The following ERBB4 variants were observed in gnomAD, a reference collection of about 807,000 sequenced individuals.
ERBB4 encodes the protein receptor tyrosine-protein kinase erbB-4.
Under a neutral mutation model 158.0 loss-of-function variants are expected in ERBB4, and 42 were observed. That is an observed-to-expected ratio of 0.27 (90% CI 0.21 to 0.34). ERBB4 has a LOEUF of 0.34. Ranked by LOEUF, ERBB4 falls within the 10% of genes least tolerant of loss-of-function variation. The pLI, the probability that ERBB4 is intolerant of heterozygous loss-of-function variation, is 1.00. For synonymous variants in ERBB4, 583 were observed against 558.7 expected, an observed-to-expected ratio of 1.04 and a Z score of -0.61; for missense variants, 1,333 against 1,624.1, an observed-to-expected ratio of 0.82 and a Z score of 3.08.
At chr2:212,317,159 A>T (rs1323167893) in intron 1 of ERBB4, among the ~76,000 whole-genome samples, 1 of 151,488 alleles carries the variant, frequency 6.6e-6, no homozygotes, top group Non-Finnish European at 1.5e-5. Flanking sequence ...TTTTGTTTCC[A>T]GTAAGTTCAG....
intron 1 of ERBB4, among the ~76,000 whole-genome samples, chr2:212,536,757 G>T (rs1027098853): frequency 6.6e-6 from 1 of 152,156 alleles, no homozygotes; most frequent in Non-Finnish European, 1.5e-5. Flanking sequence ...TCGGAGCGGG[G>T]TCCCCCAGTG....
At position 212,032,268 on chromosome 2, in the gene ERBB4, A is replaced by T. The variant is rs188439020; in HGVS notation, c.235-84652T>A. 5.7e-4 allele frequency among the ~76,000 whole-genome samples: 86 copies of T among 152,180 alleles called. No individual in the cohort carries two copies. The Middle Eastern group carries it at 0.014, about 24-fold the overall frequency. On this transcript the variant is annotated intron_variant, in intron 2 of 27. Coordinates refer to ENST00000342788, the MANE Select transcript of ERBB4 (RefSeq NM_005235.3). ...ATCTGTGTGTTTATTCTGGGTTGCC[A>T]TGTTGTGGTTATAGTGCAAAACCTA...
chr2:212,030,760 T>A (rs2076884681), intron 2 of ERBB4, among the ~76,000 whole-genome samples: 1 of 152,102 alleles, frequency 6.6e-6, no homozygotes, highest in Non-Finnish European at 1.5e-5. Context: ...TGTGGACTAT[T>A]CTTTGAGGAA....
At chr2:211,759,885 C>T (rs2075367960) in intron 4 of ERBB4, among the ~76,000 whole-genome samples, 1 of 151,420 alleles carries the variant, frequency 6.6e-6, no homozygotes, top group Non-Finnish European at 1.5e-5. Context: ...TTGTCATCTG[C>T]TATTTTCAGT....
chr2:211,798,321 T>A (rs1334676293), intron 3 of ERBB4, among the ~76,000 whole-genome samples: 1 of 152,176 alleles, frequency 6.6e-6, no homozygotes, highest in East Asian at 1.9e-4. Flanking sequence ...TTATTTATGC[T>A]GTTGCTTTAA....
At chr2:212,314,782 C>G (rs1318665077) in intron 1 of ERBB4, among the ~76,000 whole-genome samples, 5 of 151,074 alleles carry the variant, frequency 3.3e-5, no homozygotes, top group Non-Finnish European at 5.9e-5. Context: ...CCAGAAAGAG[C>G]CTTTCTCTTT....
At chr2:211,775,357 C>G (rs571772114) in intron 4 of ERBB4, among the ~76,000 whole-genome samples, 8 of 152,238 alleles carry the variant, frequency 5.3e-5, no homozygotes, top group African/African-American at 1.9e-4. Context: ...AAGGGCTTGT[C>G]TTTGCTTTTT....
At chr2:211,930,351 C>T (rs997134624) in intron 3 of ERBB4, among the ~76,000 whole-genome samples, 6 of 152,144 alleles carry the variant, frequency 3.9e-5, no homozygotes, top group Non-Finnish European at 7.4e-5. Context: ...AGAGTTTAAG[C>T]TGTCAATTAC....
chr2:211,684,859 C>T (rs904187527), intron 12 of ERBB4, among the ~76,000 whole-genome samples: 1 of 152,152 alleles, frequency 6.6e-6, no homozygotes, highest in Non-Finnish European at 1.5e-5. Flanking sequence ...AGTTTTCCAG[C>T]CCCTTGCTCT....
intron 12 of ERBB4, among the ~76,000 whole-genome samples, chr2:211,687,519 T>C (rs189742254): frequency 2.0e-5 from 3 of 151,766 alleles, no homozygotes; most frequent in Admixed American, 6.6e-5. Context: ...ATTTTTAGCA[T>C]TGTATGTTTG....
At chr2:212,292,520 G>C (rs541019757) in intron 1 of ERBB4, among the ~76,000 whole-genome samples, 1 of 151,868 alleles carries the variant, frequency 6.6e-6, no homozygotes, top group African/African-American at 2.4e-5. Context: ...CATAATCAAG[G>C]ATGCCTTAAT....
intron 1 of ERBB4, among the ~76,000 whole-genome samples, chr2:212,196,499 C>G (rs62182585): frequency 0.19 from 29,142 of 151,832 alleles, 3,093 homozygotes; most frequent in Non-Finnish European, 0.22. Flanking sequence ...AAATTCATGT[C>G]TAAGTGGGTC....
chr2:211,634,858 A>G (rs776312383), intron 16 of ERBB4, among the ~76,000 whole-genome samples: 8 of 152,036 alleles, frequency 5.3e-5, no homozygotes, highest in South Asian at 2.1e-4. Flanking sequence ...TTGTAATTTT[A>G]GTAGAGATGG....
intron 2 of ERBB4, among the ~76,000 whole-genome samples, chr2:212,074,573 G>T (rs189890786): frequency 6.6e-6 from 1 of 151,908 alleles, no homozygotes; most frequent in Non-Finnish European, 1.5e-5. Context: ...AGGTTGGCAG[G>T]TATTTTGATG....
intron 2 of ERBB4, among the ~76,000 whole-genome samples, chr2:212,032,898 G>A (rs542779785): frequency 4.6e-5 from 7 of 151,914 alleles, no homozygotes; most frequent in African/African-American, 1.7e-4. Flanking sequence ...TTTTCTCAGA[G>A]AGAAAAGGAG....
At chr2:211,611,842 T>C (rs2069211580) in intron 19 of ERBB4, among the ~76,000 whole-genome samples, 1 of 152,048 alleles carries the variant, frequency 6.6e-6, no homozygotes, top group South Asian at 2.1e-4. Flanking sequence ...TACCCTCCCA[T>C]GTATAATGGA....
rs6730119 is a variant in ERBB4, at chr2:211,654,303, A to C, written c.1946+3451T>G. Among the ~76,000 whole-genome samples, 4 of 152,140 alleles carry C rather than the reference A, an allele frequency of 2.6e-5. No homozygotes were observed. The South Asian group carries it at 8.3e-4, about 32-fold the overall frequency. On this transcript the variant is annotated intron_variant, in intron 16 of 27. Coordinates refer to ENST00000342788, the MANE Select transcript of ERBB4 (RefSeq NM_005235.3). ...TCTCATAAACATCCCCTCACAAGTC[A>C]ATTGATTCTGACAAGTCAATGCAAG...
intron 1 of ERBB4, among the ~76,000 whole-genome samples, chr2:212,359,981 A>G (rs1048472876): frequency 6.6e-6 from 1 of 151,732 alleles, no homozygotes; most frequent in African/African-American, 2.4e-5. Context: ...GCATCTTTGT[A>G]TCTAAAAACA....
chr2:212,101,576 G>A (rs533563793), intron 2 of ERBB4, among the ~76,000 whole-genome samples: 15 of 151,706 alleles, frequency 9.9e-5, no homozygotes, highest in African/African-American at 3.6e-4. Flanking sequence ...AGAGCTCAGA[G>A]CAGTAAGAAT....
Sources: allele counts gnomAD v4.1 joint callset (sites outside exome capture counted in the v4.1 genomes callset), GRCh38; gene constraint gnomAD v4.1.1; transcripts MANE v1.5; gene names NCBI Gene and HGNC (gene_info 2026-07-23, HGNC 2026-07-21).